GRID2: variants seen among roughly 807,000 people sequenced by gnomAD.
GRID2 encodes glutamate receptor ionotropic, delta-2.
A neutral mutation model predicts 114.8 loss-of-function variants in GRID2; 33 were observed. The observed-to-expected ratio is 0.29, with a 90% CI of 0.22 to 0.38. The LOEUF is 0.38. Ranked by LOEUF, GRID2 falls within the 10% of genes least tolerant of loss-of-function variation. The pLI is 1.00. For synonymous variants in GRID2, 505 were observed against 449.9 expected (o/e 1.12, Z -1.55); for missense variants, 1,184 against 1,257.7 (o/e 0.94, Z 0.89).
At chr4:93,508,961 CAG>C (rs760431978) in intron 12 of GRID2, among the ~76,000 whole-genome samples, 71 of 152,116 alleles carry the variant, frequency 4.7e-4, no homozygotes, top group Admixed American at 1.6e-3. Flanking sequence ...AATGAAGAAA[CAG>C]TGTTTGGCTT....
At chr4:92,687,834 A>C (rs1733988207) in intron 2 of GRID2, among the ~76,000 whole-genome samples, 2 of 151,612 alleles carry the variant, frequency 1.3e-5, no homozygotes, top group Middle Eastern at 3.2e-3. Flanking sequence ...CTCTCAAAAA[A>C]ATAAAACCTT....
At chr4:93,259,958 G>T (rs773771448) in intron 8 of GRID2, among the ~76,000 whole-genome samples, 15 of 151,658 alleles carry the variant, frequency 9.9e-5, no homozygotes, top group Non-Finnish European at 1.2e-4. Context: ...ATAGCTTATT[G>T]CCCATGTGAT....
chr4:92,906,423 A>G (rs759160887), intron 2 of GRID2, among the ~76,000 whole-genome samples: 2 of 151,904 alleles, frequency 1.3e-5, no homozygotes, highest in African/African-American at 2.4e-5. Context: ...CTGAGCTCAG[A>G]GCCAAAGGAG....
At chr4:93,446,466 G>C (rs1030852130) in intron 10 of GRID2, among the ~76,000 whole-genome samples, 1 of 152,000 alleles carries the variant, frequency 6.6e-6, no homozygotes, top group Admixed American at 6.6e-5. Flanking sequence ...TGATCAGTTA[G>C]ACTAATAAAC....
At chr4:92,600,032 G>GTATATATAAATATATATATA (rs1729133003) in intron 2 of GRID2, among the ~76,000 whole-genome samples, 1 of 73,022 alleles carries the variant, frequency 1.4e-5, no homozygotes, top group Non-Finnish European at 2.8e-5. Flanking sequence ...GTATGTGTGT[G>GTATATATAAATATATATATA]TGTGTGTGTG....
At chr4:93,178,042 CTA>C (rs140883993) in intron 4 of GRID2, among the ~76,000 whole-genome samples, 1,515 of 151,064 alleles carry the variant, frequency 0.01, 30 homozygotes, top group African/African-American at 0.035. Flanking sequence ...GTCCTTCAGT[CTA>C]TAGCTATCGT....
chr4:92,438,661 C>T (rs373471185), intron 1 of GRID2, among the ~76,000 whole-genome samples: 1 of 151,892 alleles, frequency 6.6e-6, no homozygotes, highest in Non-Finnish European at 1.5e-5. Flanking sequence ...TTTTTCCCAA[C>T]TCTTCGTTGG....
At chr4:93,425,953 T>C (rs1768802787) in intron 10 of GRID2, among the ~76,000 whole-genome samples, 1 of 152,150 alleles carries the variant, frequency 6.6e-6, no homozygotes, top group Non-Finnish European at 1.5e-5. Context: ...ATCCTGAATT[T>C]TTAATTTTTA....
At chr4:92,942,459 G>T (rs1358127602) in intron 2 of GRID2, among the ~76,000 whole-genome samples, 2 of 152,150 alleles carry the variant, frequency 1.3e-5, no homozygotes, top group African/African-American at 4.8e-5. Flanking sequence ...GAGCCTGTGT[G>T]TGTCTCTGCA....
In GRID2 at chr4:93,202,971, T is replaced by A. The variant is rs142175064; in HGVS notation, c.736-4433T>A. On this transcript the variant is annotated intron_variant, in intron 4 of 15. Coordinates refer to ENST00000282020, the MANE Select transcript of GRID2 (RefSeq NM_001510.4). ...ATATCATACTACTATACATTCTTTT[T>A]TGTGTGTGTGTGTATGTGTGTGTAT... Among the ~76,000 whole-genome samples, 1,359 of 151,936 alleles carry A rather than the reference T, an allele frequency of 8.9e-3. 21 individuals are homozygous for A. The highest frequency in any genetic ancestry group is 0.031 in the African/African-American group (1,291 of 41,460).
intron 1 of GRID2, among the ~76,000 whole-genome samples, chr4:92,450,397 A>C (rs1259045208): frequency 6.6e-6 from 1 of 152,074 alleles, no homozygotes; most frequent in Non-Finnish European, 1.5e-5. Context: ...ACCTCGAAGG[A>C]ACAGAGAAAT....
intron 9 of GRID2, among the ~76,000 whole-genome samples, chr4:93,415,639 T>C (rs1767627866): frequency 6.6e-6 from 1 of 152,074 alleles, no homozygotes; most frequent in Admixed American, 6.6e-5. Flanking sequence ...CTTATGCTTC[T>C]TTCAAATTCT....
intron 14 of GRID2, among the ~76,000 whole-genome samples, chr4:93,632,899 G>T (rs955026781): frequency 2.0e-4 from 31 of 152,154 alleles, no homozygotes; most frequent in Admixed American, 3.3e-4. Context: ...TTGTTGAGCA[G>T]TAGTTTGTAG....
intron 2 of GRID2, among the ~76,000 whole-genome samples, chr4:92,967,067 G>A (rs1239587798): frequency 2.6e-5 from 4 of 151,800 alleles, no homozygotes; most frequent in Non-Finnish European, 4.4e-5. Flanking sequence ...AATTACAAGT[G>A]TACCCACTTT....
intron 1 of GRID2, among the ~76,000 whole-genome samples, chr4:92,493,284 A>T (rs1723238660): frequency 6.6e-6 from 1 of 152,094 alleles, no homozygotes; most frequent in African/African-American, 2.4e-5. Context: ...CAGACTCCCG[A>T]CTCTACAAAT....
chr4:93,725,047 A>G (rs1729723749), intron 14 of GRID2, among the ~76,000 whole-genome samples: 1 of 152,042 alleles, frequency 6.6e-6, no homozygotes, highest in African/African-American at 2.4e-5. Flanking sequence ...GGTTTGTTAC[A>G]TATGTATACA....
rs544283527 is a variant in GRID2 at position 92,726,488 on chromosome 4, TG to T, written c.244+136204del. 1.1e-3 allele frequency among the ~76,000 whole-genome samples: 166 copies of T among 152,246 alleles called. 1 individual carries two copies. The highest frequency in any genetic ancestry group is 7.2e-3 in the South Asian group (35 of 4,832). ...ACATGAAAGTAGCTGCTTTTTTAAT[TG>T]GTATAAAAGAAATGCAACCTTAAAA... On this transcript the variant is annotated intron_variant, in intron 2 of 15. Coordinates refer to ENST00000282020, the MANE Select transcript of GRID2 (RefSeq NM_001510.4).
intron 2 of GRID2, among the ~76,000 whole-genome samples, chr4:92,665,623 A>T (rs2149272149): frequency 6.6e-6 from 1 of 151,164 alleles, no homozygotes; most frequent in East Asian, 1.9e-4. Context: ...AGTGGTTATA[A>T]ACTCAGCTTT....
chr4:93,783,356 C>CA (rs113579462), intron 1 of GRID2, among the ~76,000 whole-genome samples: 142 of 152,344 alleles, frequency 9.3e-4, no homozygotes, highest in African/African-American at 3.3e-3. Context: ...AATTCAAACT[C>CA]ACATCTCTCT....
Sources: allele counts gnomAD v4.1 joint callset (sites outside exome capture counted in the v4.1 genomes callset), GRCh38; gene constraint gnomAD v4.1.1; transcripts MANE v1.5; gene names NCBI Gene and HGNC (gene_info 2026-07-23, HGNC 2026-07-21).